SPG11: variants seen among roughly 807,000 people sequenced by gnomAD.
SPG11 encodes SPG11 vesicle trafficking associated, spatacsin.
In SPG11, 222 loss-of-function variants were observed where a neutral mutation model predicts 274.0. That is an observed-to-expected ratio of 0.81 (90% confidence interval 0.73 to 0.91). The LOEUF (loss-of-function observed/expected upper bound fraction) is 0.91, where lower values mean the gene tolerates loss of function less well. Ranked by LOEUF, SPG11 falls within the 40% of genes least tolerant of loss-of-function variation. The pLI is 0.00. For synonymous variants in SPG11, 1,144 were observed against 1,039.7 expected, an observed-to-expected ratio of 1.10 and a Z score of -1.93; for missense variants, 3,114 against 2,872.7, an observed-to-expected ratio of 1.08 and a Z score of -1.92.
At chr15:44,604,247 C>T (rs1025685086) in intron 20 of SPG11, 1 of 365,128 alleles carries the variant, frequency 2.7e-6, no homozygotes, top group Admixed American at 3.7e-5. Flanking sequence ...TGTCATCTTA[C>T]AAAGGTCTTA....
In SPG11 at chr15:44,613,484, G is replaced by T. The variant is rs1316923180; in HGVS notation, c.3091C>A (p.His1031Asn). 6.2e-7 allele frequency: 1 copy of T among 1,613,868 alleles called. No individual in the cohort carries two copies. Among genetic ancestry groups the T allele is most frequent in the Non-Finnish European group, 8.5e-7 (1 of 1,179,922 alleles). ...FLEKKELHEA[H>N]PWFEFLVQCR... The stretch of plus-strand genomic sequence containing the variant: ...TGAACTAAAAATTCAAACCAAGGGT[G>T]TGCTTCATGTAACTCTTTTTTTTCC... Residue 1031 changes from histidine (H) to asparagine (N), a missense_variant, in exon 17 of 40, where the codon CAC (histidine) becomes AAC (asparagine). Physicochemically the swap from His to Asn is moderately conservative, Grantham distance 68 (BLOSUM62 1). Coordinates refer to ENST00000261866, the MANE Select transcript of SPG11 (RefSeq NM_025137.4).
At chr15:44,591,362 C>A (rs1235017244) in intron 27 of SPG11, among the ~76,000 whole-genome samples, 1 of 152,156 alleles carries the variant, frequency 6.6e-6, no homozygotes, top group Non-Finnish European at 1.5e-5. Flanking sequence ...AAATATTTCT[C>A]TTCTTGATTC....
In SPG11 at chr15:44,622,777, A is replaced by T; in HGVS notation, c.2267T>A (p.Leu756Ter). 6.2e-7 allele frequency: 1 copy of T among 1,613,900 alleles called. No homozygotes were observed. ...AGTTGTATAGAAGCAGATCTTGAGC[A>T]ATTGGCCTTTTACATCAAACCCCTA... ...KNMGFDVKGQ[L>*]LKICFYTTNK... Residue 756 changes from leucine (L) to a stop codon, truncating the protein, a stop_gained, in exon 12 of 40, where the codon TTG becomes TAG. Coordinates refer to ENST00000261866, the MANE Select transcript of SPG11 (RefSeq NM_025137.4). LOFTEE classifies it high-confidence loss of function.
chr15:44,570,834 G>A (rs923653615), intron 33 of SPG11, among the ~76,000 whole-genome samples, 176 bp from the exon 34 acceptor site: 2 of 152,156 alleles, frequency 1.3e-5, no homozygotes, highest in African/African-American at 4.8e-5. Context: ...ACAGCCCCTT[G>A]ATGACATCCA....
Position 44,660,566 on chromosome 15 carries a change from T to G in SPG11, c.308A>C (p.Lys103Thr). Residue 103 changes from lysine to threonine, a missense_variant, in exon 2 of 40, where the codon AAA becomes ACA. Transcript: ENST00000261866. ...ATAATTTTCACCAAGAGCGAGCAGT[T>G]TGGGCTTTTCAGTTGGTGTGCTGCT... ...RNSSTPTEKP[K>T]LLALGENYEL... The G allele has an allele frequency of 6.2e-7, 1 of 1,614,156 alleles. No individual in the cohort carries two copies. Among genetic ancestry groups the G allele is most frequent in the South Asian group, 1.1e-5 (1 of 91,080 alleles).
At chr15:44,567,623 G>A in intron 35 of SPG11, 31 bp from the exon 36 acceptor site, 3 of 1,613,038 alleles carry the variant, frequency 1.9e-6, no homozygotes, top group Non-Finnish European at 1.7e-6. Flanking sequence ...AAAGCAAGGT[G>A]TCAGTCAGGG....
chr15:44,571,136 A>G (rs943678413), intron 33 of SPG11, among the ~76,000 whole-genome samples: 2 of 152,024 alleles, frequency 1.3e-5, no homozygotes, highest in South Asian at 4.2e-4. Context: ...AAGCACAATG[A>G]AAAGGCAAAC....
At chr15:44,612,261 G>T (rs1361704306) in intron 17 of SPG11, among the ~76,000 whole-genome samples, 1 of 152,178 alleles carries the variant, frequency 6.6e-6, no homozygotes, top group Non-Finnish European at 1.5e-5. Flanking sequence ...TATTTGTTGG[G>T]TGAATGAAAT....
Position 44,573,741 on chromosome 15 carries a change from A to G in SPG11, c.6011T>C (p.Leu2004Ser), listed in dbSNP as rs995829315. The G allele has an allele frequency of 6.2e-7, 1 of 1,614,098 alleles. No individual in the cohort carries two copies. ...AGCAACATCTGTGTAGGAACAGCCCAACTCCTGAGAGGAAGACAAAGCCAG... is the reference window on the plus strand; with the variant it reads ...AGCAACATCTGTGTAGGAACAGCCCGACTCCTGAGAGGAAGACAAAGCCAG... ...VLCLYDLAKE[L>S]GCSYTDVAAQ... The change falls in exon 32 of 40, where the codon TTG becomes TCG. Residue 2004 changes from leucine to serine, a missense_variant. By Grantham distance (145) the Leu-to-Ser change is moderately radical. Transcript: ENST00000261866.
At chr15:44,611,309 C>T (rs2083455495) in intron 17 of SPG11, among the ~76,000 whole-genome samples, 1 of 151,868 alleles carries the variant, frequency 6.6e-6, no homozygotes. Context: ...CAAATCAATG[C>T]CAAAAATACT....
intron 15 of SPG11, 117 bp from the exon 16 acceptor site, chr15:44,615,683 G>T: frequency 2.2e-6 from 2 of 911,442 alleles, no homozygotes; most frequent in Non-Finnish European, 3.5e-6. Context: ...AATTAATGCT[G>T]CCAGTTCTTA....
Position 44,629,322 on chromosome 15 carries a change from G to T in SPG11, c.1802C>A (p.Pro601His). 6.2e-7 allele frequency: 1 copy of T among 1,614,024 alleles called. No individual in the cohort carries two copies. The highest frequency in any genetic ancestry group is 8.5e-7 in the Non-Finnish European group (1 of 1,179,968). ...TTGTTCTGAAAAGTGTTTGCTTTGG[G>T]GTTCAGAATAACTTTCTCTAATTGC... is the stretch of plus-strand genomic sequence containing the variant. The part of the protein sequence containing the change: ...CSAIRESYSE[P>H]QSKHFSEQLL... The change falls in exon 9 of 40, where the codon CCC becomes CAC. Residue 601 changes from proline to histidine, a missense_variant. Transcript: ENST00000261866.
At chr15:44,563,872 C>G (rs978180628) in intron 39 of SPG11, among the ~76,000 whole-genome samples, 1 of 152,154 alleles carries the variant, frequency 6.6e-6, no homozygotes, top group Non-Finnish European at 1.5e-5. Flanking sequence ...GTGCTGGAGT[C>G]TGGGTTATCT....
chr15:44,658,405 T>A lies in SPG11; in HGVS notation c.667+674A>T, dbSNP rs148431546. On this transcript the variant is annotated intron_variant, in intron 3 of 39. Coordinates refer to ENST00000261866, the MANE Select transcript of SPG11 (RefSeq NM_025137.4). ...TTTATTAATATGATGGAAACATCATTAGAGACAAGAGGTAGACTATATTTA... is the reference window on the plus strand; with the variant it reads ...TTTATTAATATGATGGAAACATCATAAGAGACAAGAGGTAGACTATATTTA... 1.5e-3 allele frequency among the ~76,000 whole-genome samples: 220 copies of A among 151,672 alleles called. 1 individual carries two copies. The highest frequency in any genetic ancestry group is 5.1e-3 in the African/African-American group (213 of 41,392).
chr15:44,642,405 A>G (rs528084890), intron 7 of SPG11, among the ~76,000 whole-genome samples: 96 of 150,088 alleles, frequency 6.4e-4, no homozygotes, highest in African/African-American at 2.3e-3. Context: ...AAAGGAAAGA[A>G]AAGAAAAAAA....
At chr15:44,648,758 T>C (rs887187645) in intron 7 of SPG11, 108 bp downstream of exon 7, 1 of 1,249,338 alleles carries the variant, frequency 8.0e-7, no homozygotes, top group East Asian at 2.3e-5. Context: ...ACAAAGGCTA[T>C]AGTTCTTTTT....
chr15:44,569,524 G>GGTGGTTAT lies in SPG11; in HGVS notation c.6478-20_6478-19insATAACCAC. On this transcript the variant is annotated intron_variant, in intron 34 of 39. Coordinates refer to ENST00000261866, the MANE Select transcript of SPG11 (RefSeq NM_025137.4). ...GCCGTACCTGTGAAGTGGGAGGACA[G>GGTGGTTAT]CTCGCATCAGCATCACCTGGAGTCT... 6.5e-7 allele frequency: 1 copy of GGTGGTTAT among 1,540,806 alleles called. No homozygotes were observed. The highest frequency in any genetic ancestry group is 8.8e-7 in the Non-Finnish European group (1 of 1,131,250).
intron 16 of SPG11, among the ~76,000 whole-genome samples, chr15:44,613,776 A>C (rs1377166437): frequency 6.6e-6 from 1 of 152,250 alleles, no homozygotes; most frequent in Non-Finnish European, 1.5e-5. Flanking sequence ...AAATTTATCC[A>C]AATCTTTATC....
At chr15:44,608,638 T>A in intron 18 of SPG11, 33 bp from the exon 19 acceptor site, 1 of 1,605,800 alleles carries the variant, frequency 6.2e-7, no homozygotes, top group South Asian at 1.1e-5. Context: ...GGTTGGACAG[T>A]AGCATTTTTC....
Sources: allele counts gnomAD v4.1 joint callset (sites outside exome capture counted in the v4.1 genomes callset), GRCh38; gene constraint gnomAD v4.1.1; transcripts MANE v1.5; gene names NCBI Gene and HGNC (gene_info 2026-07-23, HGNC 2026-07-21).